The following CAST variants were observed in gnomAD, a reference collection of about 807,000 sequenced individuals.
CAST encodes the protein calpastatin, also known as MIR583 host.
Under a neutral mutation model 119.6 loss-of-function variants are expected in CAST, and 76 were observed. The ratio of observed to expected loss-of-function variants is 0.64; its 90% CI spans 0.53 to 0.77. CAST has a LOEUF of 0.77. Among genes scored for constraint, CAST ranks in the 30% least tolerant of loss-of-function variants. The pLI, the probability that CAST is intolerant of heterozygous loss-of-function variation, is 0.00. For missense variants in CAST, 953 were observed against 946.5 expected (o/e 1.01, Z -0.09); for synonymous variants, 319 against 331.6 (o/e 0.96, Z 0.41).
At chr5:95,995,529 T>C in the CAST span, among the ~76,000 whole-genome samples, 1 of 152,052 alleles carries the variant, frequency 6.6e-6, no homozygotes, top group African/African-American at 2.4e-5. Context: ...CCGCTGAAAT[T>C]TGTATGTGGA....
At chr5:96,510,911 C>T in the CAST span, among the ~76,000 whole-genome samples, 4 of 152,224 alleles carry the variant, frequency 2.6e-5, no homozygotes, top group Non-Finnish European at 4.4e-5. Flanking sequence ...GTTTATTATA[C>T]TATTTAATTT....
chr5:96,438,119 G>A, the CAST span, among the ~76,000 whole-genome samples: 14 of 152,088 alleles, frequency 9.2e-5, no homozygotes, highest in East Asian at 1.5e-3. Flanking sequence ...GCTCTTGTCC[G>A]GATAGGGTCT....
intron 1 of CAST, among the ~76,000 whole-genome samples, chr5:96,635,196 G>T (rs1298623918): frequency 6.6e-6 from 1 of 152,214 alleles, no homozygotes; most frequent in African/African-American, 2.4e-5. Context: ...AGGATGAGGA[G>T]ATTTGAAACT....
intron 2 of CAST, among the ~76,000 whole-genome samples, chr5:96,695,405 T>A (rs1405580018): frequency 6.6e-6 from 1 of 152,194 alleles, no homozygotes; most frequent in Non-Finnish European, 1.5e-5. Context: ...GTGATCAGTA[T>A]CTTTGTAGAA....
At chr5:96,661,518 T>A (rs1255108655), upstream of CAST, among the ~76,000 whole-genome samples, 1 of 151,606 alleles carries the variant, frequency 6.6e-6, no homozygotes, top group Non-Finnish European at 1.5e-5. Context: ...CCCAGAATGA[T>A]GATGCTACTG....
At chr5:96,730,889 G>A in intron 9 of CAST, 29 bp downstream of exon 9, 1 of 1,517,988 alleles carries the variant, frequency 6.6e-7, no homozygotes, top group Non-Finnish European at 9.2e-7. Flanking sequence ...ACGGAAACGT[G>A]GGCCTCTGTG....
chr5:96,012,530 G>A, the CAST span, among the ~76,000 whole-genome samples: 1 of 152,090 alleles, frequency 6.6e-6, no homozygotes, highest in Admixed American at 6.6e-5. Context: ...GAATTTTTAA[G>A]TCTCTATTCC....
the CAST span, among the ~76,000 whole-genome samples, chr5:96,452,439 C>T: frequency 1.3e-5 from 2 of 151,924 alleles, no homozygotes; most frequent in Non-Finnish European, 2.9e-5. Flanking sequence ...GGGAGCTGAA[C>T]AATGAGAATA....
intron 2 of CAST, among the ~76,000 whole-genome samples, chr5:96,691,990 T>C (rs1156920693): frequency 1.3e-5 from 2 of 152,208 alleles, no homozygotes; most frequent in African/African-American, 4.8e-5. Context: ...ATTGACTCAG[T>C]AAAAAATTTT....
At chr5:96,506,206 T>C in the CAST span, among the ~76,000 whole-genome samples, 1 of 152,230 alleles carries the variant, frequency 6.6e-6, no homozygotes, top group Non-Finnish European at 1.5e-5. Flanking sequence ...AGGCACATAG[T>C]AGGTATTTCA....
the CAST span, among the ~76,000 whole-genome samples, chr5:96,169,235 T>C: frequency 1.3e-5 from 2 of 152,112 alleles, no homozygotes; most frequent in Non-Finnish European, 2.9e-5. Flanking sequence ...ACTGAGATAA[T>C]GGGGGCTGTC....
the CAST span, chr5:96,393,444 G>A: frequency 6.3e-7 from 1 of 1,583,608 alleles, no homozygotes; most frequent in Non-Finnish European, 8.7e-7. Context: ...CAAGCTAGTT[G>A]CAACCCTACC....
At chr5:96,190,073 G>A in the CAST span, among the ~76,000 whole-genome samples, 1 of 152,108 alleles carries the variant, frequency 6.6e-6, no homozygotes. Flanking sequence ...TTGATAGGTA[G>A]TTTCTTTCTC....
At position 96,546,340 on chromosome 5, in the gene CAST, C is replaced by T. The variant is rs1353313632; in HGVS notation, c.60+16460C>T. On this transcript the variant is annotated intron_variant, in intron 1 of 11. Transcript: ENST00000505143. ...CACCTGCTCAGTTTACTTATTGGCT[C>T]TGCCCAAGCCTGGTCTTTTATATTT... 3 of 152,178 alleles carry T rather than the reference C, an allele frequency of 2.0e-5. No homozygotes were observed. The East Asian group carries it at 5.8e-4, about 29-fold the overall frequency. 9.4% of individuals were successfully genotyped at this position (152,178 alleles called of 1,614,324 possible). A position where few individuals can be genotyped will look rare whatever the true frequency, so the allele number is the denominator to read the frequency against.
At chr5:96,009,297 A>G in the CAST span, among the ~76,000 whole-genome samples, 1 of 152,054 alleles carries the variant, frequency 6.6e-6, no homozygotes, top group Non-Finnish European at 1.5e-5. Flanking sequence ...TTTTTGGTAG[A>G]ATGATTTATT....
the CAST span, among the ~76,000 whole-genome samples, chr5:96,465,145 A>C: frequency 6.6e-6 from 1 of 151,790 alleles, no homozygotes; most frequent in South Asian, 2.1e-4. Flanking sequence ...TTTTTTTTCT[A>C]AGTATTTGAT....
rs545060376 is a variant in CAST, at chr5:96,630,672, G to T, written c.61-44867G>T. Among the ~76,000 whole-genome samples the T allele has an allele frequency of 2.0e-5, 3 of 152,242 alleles. No homozygotes were observed. The East Asian group carries it at 5.8e-4, about 29-fold the overall frequency. On this transcript the variant is annotated intron_variant, in intron 1 of 11. Coordinates refer to the CAST transcript ENST00000505143. ...GTTGTGGTGCATGCCTGTAATCCCA[G>T]CTACTTGGGAGGCTGAGGTGGGAGG...
the CAST span, among the ~76,000 whole-genome samples, chr5:96,087,306 T>G: frequency 6.6e-6 from 1 of 152,242 alleles, no homozygotes; most frequent in Non-Finnish European, 1.5e-5. Context: ...TAAGAGTGTG[T>G]GTGCATTTAT....
the CAST span, among the ~76,000 whole-genome samples, chr5:96,364,268 C>G: frequency 1.3e-5 from 2 of 152,166 alleles, no homozygotes; most frequent in Admixed American, 1.3e-4. Flanking sequence ...CATCGATGTT[C>G]ATCAGGGATA....
Sources: gnomAD v4.1 joint callset for allele counts (sites outside exome capture counted in the v4.1 genomes callset) on GRCh38, gnomAD v4.1.1 for gene constraint, MANE v1.5 for transcripts, NCBI Gene and HGNC (gene_info 2026-07-23, HGNC 2026-07-21) for gene names.